SORCS3: variants seen among roughly 807,000 people sequenced by gnomAD.
SORCS3 encodes VPS10 domain-containing receptor SorCS3.
A neutral mutation model predicts 146.3 loss-of-function variants in SORCS3; 57 were observed. That is an observed-to-expected ratio of 0.39 (90% CI 0.31 to 0.49). The LOEUF (loss-of-function observed/expected upper bound fraction) is 0.49, where lower values mean the gene tolerates loss of function less well. Among genes scored for constraint, SORCS3 ranks in the 20% least tolerant of loss-of-function variants. The pLI is 0.92. For missense variants in SORCS3, 1,341 were observed against 1,575.5 expected, an observed-to-expected ratio of 0.85 and a Z score of 2.52; for synonymous variants, 653 against 618.5, an observed-to-expected ratio of 1.06 and a Z score of -0.83.
intron 4 of SORCS3, among the ~76,000 whole-genome samples, chr10:104,992,992 G>C (rs1193847451): frequency 6.6e-6 from 1 of 151,998 alleles, no homozygotes; most frequent in East Asian, 1.9e-4. Flanking sequence ...ATAATTATGG[G>C]GCTGGAAAGA....
At chr10:104,712,622 A>G (rs1008647674) in intron 1 of SORCS3, among the ~76,000 whole-genome samples, 4 of 152,200 alleles carry the variant, frequency 2.6e-5, no homozygotes, top group Non-Finnish European at 4.4e-5. Context: ...TTGAAGGGCC[A>G]GTATGTCTAG....
At position 104,971,740 on chromosome 10, in the gene SORCS3, AG is replaced by A. The variant is rs555771199; in HGVS notation, c.796-5594del. Among the ~76,000 whole-genome samples, 145 of 152,318 alleles carry A rather than the reference AG, an allele frequency of 9.5e-4. 1 individual carries two copies. Among genetic ancestry groups the A allele is most frequent in the Non-Finnish European group, 1.8e-3 (120 of 68,022 alleles). On this transcript the variant is annotated intron_variant, in intron 3 of 26. Coordinates refer to ENST00000369701, the MANE Select transcript of SORCS3 (RefSeq NM_014978.3). ...GTAATAGTATATTGAGTGCAAAAGA[AG>A]AAAGTCAAAATGGAGGGTTAAGGAG...
intron 2 of SORCS3, among the ~76,000 whole-genome samples, chr10:104,846,269 G>A (rs1231756667): frequency 1.3e-5 from 2 of 152,184 alleles, no homozygotes; most frequent in East Asian, 1.9e-4. Flanking sequence ...TCTTTCTCAC[G>A]TATCTTCTAA....
intron 1 of SORCS3, among the ~76,000 whole-genome samples, chr10:104,696,532 T>TAA (rs1491523814): frequency 1.1e-4 from 9 of 79,804 alleles, no homozygotes; most frequent in Non-Finnish European, 1.3e-4. Context: ...AGAATATATA[T>TAA]TATATACATA....
chr10:104,737,571 T>C (rs1404589121), intron 1 of SORCS3, among the ~76,000 whole-genome samples: 8 of 152,212 alleles, frequency 5.3e-5, no homozygotes, highest in East Asian at 1.9e-4. Context: ...GCTGCATAAA[T>C]GTCTTCTTTT....
At chr10:104,791,838 G>T (rs1256263795) in intron 1 of SORCS3, among the ~76,000 whole-genome samples, 1 of 152,160 alleles carries the variant, frequency 6.6e-6, no homozygotes, top group Non-Finnish European at 1.5e-5. Flanking sequence ...TTCATAAGCA[G>T]ATTAGTTATG....
chr10:104,856,418 A>C (rs953675542), intron 2 of SORCS3, among the ~76,000 whole-genome samples: 3 of 135,532 alleles, frequency 2.2e-5, no homozygotes, highest in African/African-American at 3.5e-5. Context: ...CTGTTATATG[A>C]TATTATGATA....
At chr10:105,130,037 C>G (rs1031789922) in intron 7 of SORCS3, among the ~76,000 whole-genome samples, 2 of 152,118 alleles carry the variant, frequency 1.3e-5, no homozygotes, top group African/African-American at 4.8e-5. Flanking sequence ...ATTTTTGCCT[C>G]CAGTTCTGCT....
chr10:104,923,828 C>T lies in SORCS3; in HGVS notation c.795+7896C>T, dbSNP rs569257116. 1.2e-4 allele frequency among the ~76,000 whole-genome samples: 18 copies of T among 152,260 alleles called. No homozygotes were observed. In the East Asian group the frequency reaches 2.5e-3, roughly 21 times the overall value. ...AGGAGCAAAGAAGTCTCTGTTAGTGCTAGTATCTGTTTCTATTCATAAAGG... is the reference window on the plus strand; with the variant it reads ...AGGAGCAAAGAAGTCTCTGTTAGTGTTAGTATCTGTTTCTATTCATAAAGG... On this transcript the variant is annotated intron_variant, in intron 3 of 26. Coordinates refer to ENST00000369701, the MANE Select transcript of SORCS3 (RefSeq NM_014978.3).
At position 104,921,552 on chromosome 10, in the gene SORCS3, G is replaced by C. The variant is rs181574173; in HGVS notation, c.795+5620G>C. 2.0e-5 allele frequency among the ~76,000 whole-genome samples: 3 copies of C among 151,202 alleles called. No homozygotes were observed. The East Asian group carries it at 5.9e-4, about 30-fold the overall frequency. ...GTGTGTGTGTGATGAAAACTATAAG[G>C]TCTGACATCAGTATAGGCTAATGAG... On this transcript the variant is annotated intron_variant, in intron 3 of 26. Transcript: ENST00000369701.
chr10:105,191,058 T>C (rs577918932), intron 14 of SORCS3, among the ~76,000 whole-genome samples: 1 of 152,228 alleles, frequency 6.6e-6, no homozygotes, highest in Admixed American at 6.5e-5. Flanking sequence ...ATGAACACTT[T>C]TGTGCTTAAG....
At chr10:104,994,792 A>G (rs2055014582) in intron 4 of SORCS3, among the ~76,000 whole-genome samples, 1 of 152,088 alleles carries the variant, frequency 6.6e-6, no homozygotes, top group African/African-American at 2.4e-5. Flanking sequence ...TTCCTCTTTT[A>G]TTGTTTCGCT....
chr10:104,982,566 A>C (rs977171535), intron 4 of SORCS3, among the ~76,000 whole-genome samples: 1 of 152,184 alleles, frequency 6.6e-6, no homozygotes, highest in African/African-American at 2.4e-5. Flanking sequence ...TTTTCACTTA[A>C]AGAAAAACAT....
Position 104,797,183 on chromosome 10 carries a change from A to G in SORCS3, c.628-45609A>G, listed in dbSNP as rs544942038. Among the ~76,000 whole-genome samples the G allele has an allele frequency of 1.1e-3, 170 of 152,336 alleles. 2 individuals are homozygous for G. The South Asian group carries it at 0.017, about 15-fold the overall frequency. ...TTCCTCCTTGGTTTAGAACAATGCA[A>G]GACTCGGGGCTAAGAATATTTGCAG... On this transcript the variant is annotated intron_variant, in intron 1 of 26. Coordinates refer to ENST00000369701, the MANE Select transcript of SORCS3 (RefSeq NM_014978.3).
chr10:104,936,670 G>C lies in SORCS3; in HGVS notation c.795+20738G>C, dbSNP rs140201469. On this transcript the variant is annotated intron_variant, in intron 3 of 26. Transcript: ENST00000369701. ...GTCTTGAGCTTAAGAGCACAGATAAGTCTCCTTGGCAAACAAAGACGAATT... is the reference window on the plus strand; with the variant it reads ...GTCTTGAGCTTAAGAGCACAGATAACTCTCCTTGGCAAACAAAGACGAATT... Among the ~76,000 whole-genome samples the C allele has an allele frequency of 2.9e-3, 444 of 152,310 alleles. 2 individuals carry two copies. The highest frequency in any genetic ancestry group is 0.018 in the South Asian group (88 of 4,822).
At chr10:104,818,667 C>T (rs1003434188) in intron 1 of SORCS3, among the ~76,000 whole-genome samples, 3 of 152,100 alleles carry the variant, frequency 2.0e-5, no homozygotes, top group Non-Finnish European at 4.4e-5. Context: ...TCCACAGGGC[C>T]CCTTGCTTGT....
intron 1 of SORCS3, among the ~76,000 whole-genome samples, chr10:104,755,431 A>C (rs1312716500): frequency 6.6e-6 from 1 of 152,222 alleles, no homozygotes; most frequent in East Asian, 1.9e-4. Flanking sequence ...AGGAATTTAA[A>C]ATTTAGATCA....
At chr10:105,084,770 GC>G (rs1183044285) in intron 5 of SORCS3, among the ~76,000 whole-genome samples, 1 of 148,210 alleles carries the variant, frequency 6.7e-6, no homozygotes, top group Admixed American at 6.8e-5. Context: ...TCGCTCTGTC[GC>G]CCAGGCTGAA....
intron 7 of SORCS3, among the ~76,000 whole-genome samples, chr10:105,111,484 A>G (rs938760108): frequency 6.6e-6 from 1 of 152,202 alleles, no homozygotes; most frequent in Non-Finnish European, 1.5e-5. Flanking sequence ...AAGTGTAGTT[A>G]GTTATCTTTT....
Sources: gnomAD v4.1 joint callset for allele counts (sites outside exome capture counted in the v4.1 genomes callset) on GRCh38, gnomAD v4.1.1 for gene constraint, MANE v1.5 for transcripts, NCBI Gene and HGNC (gene_info 2026-07-23, HGNC 2026-07-21) for gene names.